Variants in SNX6 observed in about 807,000 individuals in gnomAD.
The protein encoded by SNX6 is sorting nexin 6, also known as sorting nexin-6.
In SNX6, 34 loss-of-function variants were observed where a neutral mutation model predicts 63.0. The ratio of observed to expected loss-of-function variants is 0.54; its 90% CI spans 0.41 to 0.72. SNX6 has a LOEUF of 0.72. Among genes scored for constraint, SNX6 ranks in the 30% least tolerant of loss-of-function variants. The probability of loss-of-function intolerance (pLI) is 0.00; values close to 1 mark genes in which losing one functional copy is unlikely to be tolerated. For missense variants in SNX6, 398 were observed against 471.4 expected, an observed-to-expected ratio of 0.84 and a Z score of 1.44; for synonymous variants, 170 against 164.2, an observed-to-expected ratio of 1.04 and a Z score of -0.27.
rs568738493 is a variant in SNX6, at chr14:34,588,693, C to CTATAT, written c.719-2393_719-2389dup. On this transcript the variant is annotated intron_variant, in intron 8 of 13. Coordinates refer to ENST00000362031, the MANE Select transcript of SNX6 (RefSeq NM_152233.4). The stretch of plus-strand genomic sequence containing the variant: ...GAAGACCTGAGTCAGTGGAAATATG[C>CTATAT]TATATTAATGTATCAGAAGGATCAA... Among the ~76,000 whole-genome samples the CTATAT allele has an allele frequency of 7.9e-5, 12 of 152,308 alleles. No individual in the cohort carries two copies. In the East Asian group the frequency reaches 2.3e-3, roughly 29 times the overall value.
At chr14:34,576,142 G>A (rs1325885837) in intron 10 of SNX6, among the ~76,000 whole-genome samples, 3 of 151,510 alleles carry the variant, frequency 2.0e-5, no homozygotes, top group Non-Finnish European at 4.4e-5. Context: ...AGCCAGGATG[G>A]TCTCAATCTC....
intron 11 of SNX6, chr14:34,569,207 T>C (rs945118027): frequency 1.5e-6 from 1 of 659,822 alleles, no homozygotes; most frequent in Non-Finnish European, 2.7e-6. Context: ...TGATAGTCCA[T>C]GTACCACATA....
chr14:34,627,449 G>C (rs565985190), intron 2 of SNX6, among the ~76,000 whole-genome samples: 1 of 148,450 alleles, frequency 6.7e-6, no homozygotes, highest in Admixed American at 6.7e-5. Flanking sequence ...GCGAGACTCC[G>C]TTTCAAAAAA....
intron 4 of SNX6, among the ~76,000 whole-genome samples, chr14:34,606,196 CTTT>C (rs34435703): frequency 8.7e-5 from 5 of 57,602 alleles, no homozygotes; most frequent in Admixed American, 1.4e-4. Context: ...GTTATCTAAT[CTTT>C]TTTTTTTTTT....
intron 8 of SNX6, 41 bp from the exon 9 acceptor site, chr14:34,586,346 G>T (rs1236786949): frequency 2.3e-6 from 3 of 1,298,160 alleles, no homozygotes; most frequent in Admixed American, 3.6e-5. Context: ...CCTATTCATA[G>T]ATTTAAAAAT....
Sources: gnomAD v4.1 joint callset for allele counts (sites outside exome capture counted in the v4.1 genomes callset) on GRCh38, gnomAD v4.1.1 for gene constraint, MANE v1.5 for transcripts, NCBI Gene and HGNC (gene_info 2026-07-23, HGNC 2026-07-21) for gene names.